TCF7L2: variants seen among roughly 807,000 people sequenced by gnomAD.
TCF7L2 encodes the protein transcription factor 7-like 2.
In TCF7L2, 23 loss-of-function variants were observed where a neutral mutation model predicts 77.9. That is an observed-to-expected ratio of 0.30 (90% CI 0.21 to 0.42). The LOEUF is 0.42. Among genes scored for constraint, TCF7L2 ranks in the 10% least tolerant of loss-of-function variants. The probability of loss-of-function intolerance (pLI) is 1.00; values close to 1 mark genes in which losing one functional copy is unlikely to be tolerated. For synonymous variants in TCF7L2, 413 were observed against 340.2 expected, an observed-to-expected ratio of 1.21 and a Z score of -2.36; for missense variants, 654 against 793.1, an observed-to-expected ratio of 0.82 and a Z score of 2.11.
intron 5 of TCF7L2, among the ~76,000 whole-genome samples, chr10:113,103,988 G>T (rs2061969533): frequency 6.6e-6 from 1 of 152,188 alleles, no homozygotes; most frequent in African/African-American, 2.4e-5. Context: ...CCCCACTTTT[G>T]TGGGAATAAA....
At chr10:113,117,177 A>G (rs2063829016) in intron 5 of TCF7L2, among the ~76,000 whole-genome samples, 1 of 152,242 alleles carries the variant, frequency 6.6e-6, no homozygotes, top group South Asian at 2.1e-4. Flanking sequence ...GGGGGAAACA[A>G]ATAACTTAGG....
At chr10:113,039,477 T>C (rs1394761201) in intron 4 of TCF7L2, among the ~76,000 whole-genome samples, 2 of 152,244 alleles carry the variant, frequency 1.3e-5, no homozygotes, top group African/African-American at 4.8e-5. Flanking sequence ...TTGGGTTGTA[T>C]GAAGAACTGC....
At chr10:112,962,644 G>C (rs2035557693) in intron 3 of TCF7L2, among the ~76,000 whole-genome samples, 1 of 151,988 alleles carries the variant, frequency 6.6e-6, no homozygotes, top group African/African-American at 2.4e-5. Flanking sequence ...TACCGCCTAG[G>C]CTGGAGTGCA....
chr10:113,132,843 T>C (rs2066812616), intron 5 of TCF7L2: 1 of 152,204 alleles, frequency 6.6e-6, no homozygotes, highest in Non-Finnish European at 1.5e-5. Context: ...GGCTGGTTCT[T>C]CATCCCTGAG....
chr10:112,973,078 G>A (rs74159626), intron 4 of TCF7L2, among the ~76,000 whole-genome samples: 55 of 152,258 alleles, frequency 3.6e-4, no homozygotes, highest in African/African-American at 1.2e-3. Flanking sequence ...CTGGTAAAAA[G>A]TACAGAATCC....
At chr10:112,961,741 A>C (rs551690241) in intron 3 of TCF7L2, among the ~76,000 whole-genome samples, 12 of 151,578 alleles carry the variant, frequency 7.9e-5, no homozygotes, top group African/African-American at 2.7e-4. Context: ...TCTGACTTAG[A>C]CACAGAATAA....
intron 4 of TCF7L2, among the ~76,000 whole-genome samples, chr10:113,005,709 G>C (rs1041492149): frequency 3.3e-5 from 5 of 152,204 alleles, no homozygotes; most frequent in East Asian, 1.9e-4. Flanking sequence ...GGGTTGGCTG[G>C]GGGGGAGGAG....
intron 4 of TCF7L2, among the ~76,000 whole-genome samples, chr10:112,977,471 C>T (rs2039637403): frequency 6.6e-6 from 1 of 152,274 alleles, no homozygotes; most frequent in South Asian, 2.1e-4. Flanking sequence ...GACATACGGG[C>T]CGTCATCAAA....
intron 5 of TCF7L2, among the ~76,000 whole-genome samples, chr10:113,051,203 C>CCACACACACACACACACACACA: frequency 7.1e-6 from 1 of 140,488 alleles, no homozygotes; most frequent in Non-Finnish European, 1.5e-5. Context: ...TGCATACACA[C>CCACACACACACACACACACACA]CACACACACA....
chr10:113,088,490 C>T (rs1007246010), intron 5 of TCF7L2, among the ~76,000 whole-genome samples: 8 of 152,112 alleles, frequency 5.3e-5, no homozygotes, highest in Admixed American at 1.3e-4. Context: ...CAGAGTAGGC[C>T]GTCAGTAAAC....
chr10:113,130,752 AATTATT>A (rs147371098), intron 5 of TCF7L2, among the ~76,000 whole-genome samples: 8 of 148,868 alleles, frequency 5.4e-5, no homozygotes, highest in Non-Finnish European at 1.0e-4. Context: ...CTTTTTAAAA[AATTATT>A]ATTATTATTA....
intron 4 of TCF7L2, among the ~76,000 whole-genome samples, chr10:112,965,663 G>A (rs965798242): frequency 7.0e-6 from 1 of 142,572 alleles, no homozygotes; most frequent in Non-Finnish European, 1.5e-5. Context: ...GTGTGTGTGT[G>A]TGTGTGTGTG....
intron 5 of TCF7L2, among the ~76,000 whole-genome samples, chr10:113,124,078 G>A (rs1451323910): frequency 3.3e-5 from 5 of 152,190 alleles, no homozygotes; most frequent in Admixed American, 2.6e-4. Context: ...GTGTGGCAGA[G>A]ATGACATCAG....
At chr10:113,077,970 A>G (rs1812604484) in intron 5 of TCF7L2, among the ~76,000 whole-genome samples, 1 of 150,864 alleles carries the variant, frequency 6.6e-6, no homozygotes, top group Admixed American at 6.6e-5. Context: ...TCCTGACCTC[A>G]AGTGATCTGC....
At chr10:113,132,337 A>C (rs192807873) in intron 5 of TCF7L2, among the ~76,000 whole-genome samples, 122 of 152,360 alleles carry the variant, frequency 8.0e-4, no homozygotes, top group African/African-American at 2.8e-3. Flanking sequence ...CACAGGGTAT[A>C]CAAGAAAAAC....
At chr10:113,109,002 A>G (rs1186249231) in intron 5 of TCF7L2, among the ~76,000 whole-genome samples, 3 of 152,236 alleles carry the variant, frequency 2.0e-5, no homozygotes, top group Admixed American at 6.5e-5. Flanking sequence ...TAATTGTACC[A>G]CCATACCTGC....
At chr10:112,979,246 G>A (rs1305562068) in intron 4 of TCF7L2, among the ~76,000 whole-genome samples, 2 of 152,140 alleles carry the variant, frequency 1.3e-5, no homozygotes. Flanking sequence ...TCTTGCCTCA[G>A]TACCCATAAA....
At chr10:113,131,896 G>GAGA (rs2066659364) in intron 5 of TCF7L2, 1 of 152,206 alleles carries the variant, frequency 6.6e-6, no homozygotes, top group Non-Finnish European at 1.5e-5. Flanking sequence ...CTTTGCCTGG[G>GAGA]TCACTCCCTC....
chr10:113,092,233 C>T (rs1260118040), intron 5 of TCF7L2, among the ~76,000 whole-genome samples: 6 of 152,190 alleles, frequency 3.9e-5, no homozygotes, highest in Non-Finnish European at 8.8e-5. Flanking sequence ...CTCCCAGGGA[C>T]GTGCCAAAAT....
Sources: gnomAD v4.1 joint callset for allele counts (sites outside exome capture counted in the v4.1 genomes callset) on GRCh38, gnomAD v4.1.1 for gene constraint, MANE v1.5 for transcripts, NCBI Gene and HGNC (gene_info 2026-07-23, HGNC 2026-07-21) for gene names.